PLAAT2: variants seen among roughly 807,000 people sequenced by gnomAD.
PLAAT2 encodes phospholipase A and acyltransferase 2.
Under a neutral mutation model 12.8 loss-of-function variants are expected in PLAAT2, and 12 were observed. The ratio of observed to expected loss-of-function variants is 0.94; its 90% confidence interval spans 0.60 to 1.52. The LOEUF (loss-of-function observed/expected upper bound fraction) is 1.52, where lower values mean the gene tolerates loss of function less well. Ranked by LOEUF, PLAAT2 falls within the 40% of genes most tolerant of loss-of-function variation. The probability of loss-of-function intolerance (pLI) is 0.00; values close to 1 mark genes in which losing one functional copy is unlikely to be tolerated. For missense variants in PLAAT2, 166 were observed against 208.1 expected (o/e 0.80, Z 1.24); for synonymous variants, 79 against 86.8 (o/e 0.91, Z 0.50).
rs151240711 is a variant in PLAAT2 at position 63,560,150 on chromosome 11, C to T, written c.53G>A (p.Arg18His). 19 of 1,613,622 alleles carry T rather than the reference C, an allele frequency of 1.2e-5. No homozygotes were observed. In the Admixed American group the frequency reaches 1.7e-4, roughly 14 times the overall value. The change falls in exon 2 of 4, where the codon CGC becomes CAC. Residue 18 changes from arginine (R) to histidine (H), a missense_variant. Physicochemically the swap from Arg to His is conservative, Grantham distance 29 (BLOSUM62 0). Transcript: ENST00000255695. ...PRLGDLIEIS[R>H]FGYAHWAIYV... ...GATGGCCCAGTGTGCATAGCCAAAG[C>T]GAGAAATCTCAATCAGGTCTCCAAG...
Position 63,553,607 on chromosome 11 carries a change from A to G in PLAAT2, c.388-542T>C, listed in dbSNP as rs1444885001. 2.0e-5 allele frequency among the ~76,000 whole-genome samples: 3 copies of G among 152,174 alleles called. No homozygotes were observed. The East Asian group carries it at 5.8e-4, about 29-fold the overall frequency. ...GGAGGTTGCAGTGAGCCAAGATTGC[A>G]CCACTGCATTCCAGCTTGGGTGACA... On this transcript the variant is annotated intron_variant, in intron 3 of 3. Transcript: ENST00000255695.
intron 1 of PLAAT2, 92 bp from the exon 2 acceptor site, chr11:63,560,285 A>G (rs1197794839): frequency 2.2e-5 from 19 of 861,426 alleles, no homozygotes; most frequent in Non-Finnish European, 3.2e-5. Context: ...CTCAGCCTGC[A>G]GATTCCCTGT....
intron 3 of PLAAT2, among the ~76,000 whole-genome samples, chr11:63,554,134 CTA>C (rs957199925): frequency 7.5e-6 from 1 of 133,706 alleles, no homozygotes; most frequent in Non-Finnish European, 1.5e-5. Flanking sequence ...CTCTGAGAGA[CTA>C]GCACTGGAGC....
chr11:63,557,736 G>T (rs1465970339), intron 3 of PLAAT2, among the ~76,000 whole-genome samples: 3 of 152,214 alleles, frequency 2.0e-5, no homozygotes, highest in African/African-American at 7.2e-5. Flanking sequence ...AGAACACCTG[G>T]CCCATAAAAT....
rs202047937 is a variant in PLAAT2 at position 63,553,038 on chromosome 11, C to T, written c.415G>A (p.Val139Met). Reference sequence around the variant, plus strand: ...GCGGCAGCCAGCAGGCCTGCTGCCACACCTACTGTCGTGACTGCACCAGTG... The same window carrying T: ...GCGGCAGCCAGCAGGCCTGCTGCCATACCTACTGTCGTGACTGCACCAGTG... ...QVTGAVTTVG[V>M]AAGLLAAASL... Residue 139 changes from valine (V) to methionine (M), a missense_variant, in exon 4 of 4, where the codon GTG becomes ATG. Physicochemically the swap from Val to Met is conservative, Grantham distance 21. Coordinates refer to ENST00000255695, the MANE Select transcript of PLAAT2 (RefSeq NM_017878.2). The T allele has an allele frequency of 6.8e-6, 11 of 1,613,744 alleles. No homozygotes were observed. Among genetic ancestry groups the T allele is most frequent in the Admixed American group, 6.7e-5 (4 of 60,014 alleles).
chr11:63,560,254 C>T, intron 1 of PLAAT2, 61 bp from the exon 2 acceptor site: 1 of 1,297,462 alleles, frequency 7.7e-7, no homozygotes, highest in Non-Finnish European at 1.1e-6. Flanking sequence ...ATTCTAGGGC[C>T]TGACCTGCAA....
chr11:63,557,686 C>G (rs926280819), intron 3 of PLAAT2, among the ~76,000 whole-genome samples: 2 of 152,160 alleles, frequency 1.3e-5, no homozygotes, highest in Non-Finnish European at 2.9e-5. Context: ...TCTGTGGCTG[C>G]TTTTGTGCTG....
chr11:63,563,190 A>G, intron 1 of PLAAT2, 126 bp downstream of exon 1: 4 of 1,100,198 alleles, frequency 3.6e-6, no homozygotes, highest in Non-Finnish European at 5.4e-6. Context: ...CCAGACCCCC[A>G]GAACTCAGCA....
chr11:63,557,533 A>C (rs79390477), intron 3 of PLAAT2, among the ~76,000 whole-genome samples: 1 of 145,924 alleles, frequency 6.9e-6, no homozygotes, highest in Non-Finnish European at 1.5e-5. Context: ...ACTCTGTATC[A>C]AAAAAAAAAA....
At chr11:63,561,473 C>T (rs2017517570) in intron 1 of PLAAT2, among the ~76,000 whole-genome samples, 1 of 151,744 alleles carries the variant, frequency 6.6e-6, no homozygotes, top group Non-Finnish European at 1.5e-5. Flanking sequence ...GTGAAACCCC[C>T]ATCTCTACTA....
chr11:63,560,293 T>C, intron 1 of PLAAT2, 100 bp from the exon 2 acceptor site: 1 of 774,842 alleles, frequency 1.3e-6, no homozygotes, highest in East Asian at 2.6e-5. Flanking sequence ...GCAGATTCCC[T>C]GTGCTCATCA....
upstream of PLAAT2, among the ~76,000 whole-genome samples, chr11:63,563,715 CAAAAAAAAAAAAA>C (rs35852892): frequency 1.8e-5 from 1 of 56,138 alleles, no homozygotes; most frequent in African/African-American, 6.1e-5. Context: ...GAGACTCAGT[CAAAAAAAAAAAAA>C]AAAAAAAAAC....
At chr11:63,553,104 G>C in intron 3 of PLAAT2, 39 bp from the exon 4 acceptor site, 1 of 1,343,994 alleles carries the variant, frequency 7.4e-7, no homozygotes, top group Non-Finnish European at 1.1e-6. Flanking sequence ...TCAGCATCAG[G>C]GCGGGACCAC....
chr11:63,558,877 C>A (rs1324967349), intron 2 of PLAAT2, among the ~76,000 whole-genome samples: 1 of 152,220 alleles, frequency 6.6e-6, no homozygotes, highest in Non-Finnish European at 1.5e-5. Flanking sequence ...AAGTAAACAA[C>A]CTGAGCTCTA....
upstream of PLAAT2, chr11:63,563,471 C>G (rs2017536696): frequency 1.1e-6 from 1 of 880,942 alleles, no homozygotes; most frequent in East Asian, 2.7e-5. Context: ...GTAATCCCAG[C>G]ACTTTGAGAG....
chr11:63,557,182 G>T (rs2017473846), intron 3 of PLAAT2, among the ~76,000 whole-genome samples: 1 of 151,784 alleles, frequency 6.6e-6, no homozygotes, highest in Non-Finnish European at 1.5e-5. Context: ...TTACATTTAT[G>T]ATTTTTTAAA....
intron 3 of PLAAT2, 67 bp downstream of exon 3, chr11:63,558,325 G>T (rs1342645561): frequency 6.4e-7 from 1 of 1,571,038 alleles, no homozygotes; most frequent in Non-Finnish European, 8.7e-7. Flanking sequence ...CCCCAGCAGG[G>T]ACCCAGCCTC....
chr11:63,559,831 C>T (rs890367202), intron 2 of PLAAT2, among the ~76,000 whole-genome samples: 5 of 152,158 alleles, frequency 3.3e-5, no homozygotes, highest in African/African-American at 1.2e-4. Flanking sequence ...CGGAGGGATG[C>T]TCACCAAGTA....
chr11:63,563,243 A>G, intron 1 of PLAAT2, 73 bp downstream of exon 1: 1 of 1,572,798 alleles, frequency 6.4e-7, no homozygotes, highest in Non-Finnish European at 8.7e-7. Context: ...GACCAACAAG[A>G]ATACACATAA....
Sources: gnomAD v4.1 joint callset for allele counts (sites outside exome capture counted in the v4.1 genomes callset) on GRCh38, gnomAD v4.1.1 for gene constraint, MANE v1.5 for transcripts, NCBI Gene and HGNC (gene_info 2026-07-23, HGNC 2026-07-21) for gene names.